Variants in CUBN observed in about 807,000 individuals in gnomAD.
CUBN encodes the protein cubilin.
A neutral mutation model predicts 405.3 loss-of-function variants in CUBN; 282 were observed. That is an observed-to-expected ratio of 0.70 (90% confidence interval 0.63 to 0.77). CUBN has a LOEUF of 0.77. Ranked by LOEUF, CUBN falls within the 30% of genes least tolerant of loss-of-function variation. The probability of loss-of-function intolerance (pLI) is 0.00; values close to 1 mark genes in which losing one functional copy is unlikely to be tolerated. For missense variants in CUBN, 4,514 were observed against 4,475.2 expected (o/e 1.01, Z -0.25); for synonymous variants, 1,684 against 1,617.0 (o/e 1.04, Z -0.99).
chr10:16,999,728 T>C (rs1289993531), intron 28 of CUBN, among the ~76,000 whole-genome samples: 3 of 152,194 alleles, frequency 2.0e-5, no homozygotes, highest in Admixed American at 6.5e-5. Flanking sequence ...AGTTTCCAAG[T>C]TCAACAGTCA....
chr10:17,087,998 GCA>G (rs964086365), intron 15 of CUBN, among the ~76,000 whole-genome samples, 164 bp downstream of exon 15: 1 of 151,676 alleles, frequency 6.6e-6, no homozygotes, highest in Non-Finnish European at 1.5e-5. Context: ...CAACAAACAG[GCA>G]CAGTTAAAAA....
Position 16,925,587 on chromosome 10 carries a change from C to A in CUBN, c.6459G>T (p.Leu2153Phe), listed in dbSNP as rs62619939. 1.2e-6 allele frequency: 2 copies of A among 1,613,742 alleles called. No individual in the cohort carries two copies. Residue 2153 changes from leucine to phenylalanine, a missense_variant, in exon 42 of 67, where the codon TTG becomes TTT. Leu to Phe is a conservative substitution (Grantham distance 22). Around this residue, in one of 5 missense-constraint regions of CUBN, gnomAD observed 1,613 missense variants for 1,542.8 expected, o/e 1.05. Coordinates refer to ENST00000377833, the MANE Select transcript of CUBN (RefSeq NM_001081.4). The stretch of plus-strand genomic sequence containing the variant: ...AAAGGGTAGCAGCAAGACCTACCAC[C>A]AAGTAATCCCCCTGGTTGCAAGAAG... Reference protein sequence around the residue: ...GDSSCNQGDYLVLRNGPDICS... With the variant: ...GDSSCNQGDYFVLRNGPDICS...
At chr10:16,926,202 A>G (rs1418842909) in intron 41 of CUBN, among the ~76,000 whole-genome samples, 1 of 152,214 alleles carries the variant, frequency 6.6e-6, no homozygotes, top group Non-Finnish European at 1.5e-5. Context: ...AATGAAATGA[A>G]GGATCAAGCC....
intron 31 of CUBN, among the ~76,000 whole-genome samples, chr10:16,955,508 G>C (rs1178596884): frequency 1.3e-5 from 2 of 151,160 alleles, no homozygotes; most frequent in African/African-American, 4.9e-5. Flanking sequence ...TGGAATCTAT[G>C]TCACATATAC....
intron 59 of CUBN, among the ~76,000 whole-genome samples, chr10:16,858,226 T>TC (rs773195318): frequency 6.6e-6 from 1 of 152,210 alleles, no homozygotes; most frequent in Non-Finnish European, 1.5e-5. Flanking sequence ...ACATCAGTTT[T>TC]CCCCAAATTG....
At chr10:17,115,985 G>A (rs1836886515) in intron 6 of CUBN, among the ~76,000 whole-genome samples, 1 of 152,218 alleles carries the variant, frequency 6.6e-6, no homozygotes, top group South Asian at 2.1e-4. Context: ...CTGCCATGAA[G>A]CACAGGCAAC....
intron 24 of CUBN, 151 bp downstream of exon 24, chr10:17,045,783 T>C (rs938607398): frequency 4.0e-6 from 3 of 758,500 alleles, no homozygotes; most frequent in African/African-American, 1.7e-5. Flanking sequence ...TAAAAAGAAA[T>C]GGCTGCTGTT....
rs927340846 is a variant in CUBN at position 16,824,117 on chromosome 10, A to C, written c.*858T>G. The C allele has an allele frequency of 6.6e-6, 1 of 151,724 alleles. No homozygotes were observed. Among genetic ancestry groups the C allele is most frequent in the African/African-American group, 2.4e-5 (1 of 41,280 alleles). 9.4% of individuals were successfully genotyped at this position (151,724 alleles called of 1,614,324 possible). On this transcript the variant is annotated 3_prime_UTR_variant, in exon 67 of 67. Coordinates refer to ENST00000377833, the MANE Select transcript of CUBN (RefSeq NM_001081.4). Reference sequence around the variant, plus strand: ...CAGGCTGGAGTACAGTGGTTAATTCACAGGGTTTCACTGCAGCCTTAACCT... The same window carrying C: ...CAGGCTGGAGTACAGTGGTTAATTCCCAGGGTTTCACTGCAGCCTTAACCT...
At chr10:17,011,688 T>G (rs552482339) in intron 28 of CUBN, among the ~76,000 whole-genome samples, 2 of 151,426 alleles carry the variant, frequency 1.3e-5, no homozygotes, top group African/African-American at 4.9e-5. Flanking sequence ...TACAGAGCAC[T>G]GATTGGTCCA....
intron 22 of CUBN, among the ~76,000 whole-genome samples, chr10:17,064,721 G>A (rs555739403): frequency 2.6e-5 from 4 of 152,264 alleles, no homozygotes; most frequent in East Asian, 3.9e-4. Context: ...TTGGGGCTGG[G>A]AGCATCTCTG....
Position 16,933,229 on chromosome 10 carries a change from C to G in CUBN, c.5982G>C (p.Pro1994=), listed in dbSNP as rs560009723. The change falls in exon 40 of 67, where the codon CCG becomes CCC. Residue 1994 remains proline (P), a synonymous_variant. Transcript: ENST00000377833. The part of the protein sequence containing the change: ...TGDAPVFLFS[P]GWPDSYSNRV... Reference sequence around the variant, plus strand: ...TATTACTGTAACTGTCAGGCCAGCCCGGGGAGAAGAGAAACACGGGTGCAT... The same window carrying G: ...TATTACTGTAACTGTCAGGCCAGCCGGGGGAGAAGAGAAACACGGGTGCAT... 1.2e-6 allele frequency: 2 copies of G among 1,613,928 alleles called. No individual in the cohort carries two copies. Among genetic ancestry groups the G allele is most frequent in the South Asian group, 2.2e-5 (2 of 91,058 alleles).
chr10:16,840,984 C>G lies in CUBN; in HGVS notation c.9727G>C (p.Ala3243Pro), dbSNP rs200876086. ...AGTFCGSTVP[A>P]PFISSGNFLT... ...AAGTTACCAGAAGAGATAAAAGGAG[C>G]AGGTACTGTGGAACCACAAAACGTT... The change falls in exon 61 of 67, where the codon GCT (alanine) becomes CCT (proline). Residue 3243 changes from alanine (A) to proline (P), a missense_variant. Physicochemically the swap from Ala to Pro is conservative, Grantham distance 27 (BLOSUM62 -1). Around this residue, in one of 5 missense-constraint regions of CUBN, gnomAD observed 1,186 missense variants for 1,186.9 expected, o/e 1.00. Coordinates refer to ENST00000377833, the MANE Select transcript of CUBN (RefSeq NM_001081.4). The G allele has an allele frequency of 8.7e-6, 14 of 1,613,882 alleles. No homozygotes were observed. Among genetic ancestry groups the G allele is most frequent in the Non-Finnish European group, 1.2e-5 (14 of 1,179,910 alleles).
At chr10:16,985,525 G>A (rs1337106583) in intron 29 of CUBN, among the ~76,000 whole-genome samples, 2 of 152,154 alleles carry the variant, frequency 1.3e-5, no homozygotes, top group Non-Finnish European at 2.9e-5. Flanking sequence ...ACAGGAAGTC[G>A]GGTACCAAGA....
intron 28 of CUBN, among the ~76,000 whole-genome samples, chr10:17,017,505 A>G (rs1043428811): frequency 2.0e-5 from 3 of 152,152 alleles, no homozygotes; most frequent in Admixed American, 6.5e-5. Context: ...AGAGGGCCAT[A>G]TCCTGAGGAA....
chr10:17,108,279 G>C (rs575915053), intron 10 of CUBN, among the ~76,000 whole-genome samples: 47 of 152,118 alleles, frequency 3.1e-4, no homozygotes, highest in Non-Finnish European at 5.1e-4. Context: ...CTAAAATCTG[G>C]TGGAGCCCAG....
In CUBN at chr10:16,915,227, C is replaced by CTCTATTCAAGGTGTCCTGTGT. The variant is rs1158160121; in HGVS notation, c.7211-76_7211-56dup. The CTCTATTCAAGGTGTCCTGTGT allele has an allele frequency of 6.7e-5, 108 of 1,608,934 alleles. 1 individual carries two copies. In the Admixed American group the frequency reaches 1.8e-3, roughly 27 times the overall value. On this transcript the variant is annotated intron_variant, in intron 46 of 66. Coordinates refer to ENST00000377833, the MANE Select transcript of CUBN (RefSeq NM_001081.4). ...GTCCAAGTGATTGATTTCCTTTACCCTCTATTCAAGGTGTCCTGTGTGTAC... is the reference window on the plus strand; with the variant it reads ...GTCCAAGTGATTGATTTCCTTTACCCTCTATTCAAGGTGTCCTGTGTTCTATTCAAGGTGTCCTGTGTGTAC...
intron 54 of CUBN, among the ~76,000 whole-genome samples, chr10:16,897,820 G>C (rs1030125365): frequency 1.3e-5 from 2 of 152,084 alleles, no homozygotes; most frequent in African/African-American, 4.8e-5. Flanking sequence ...TTTTTGGCAG[G>C]GTTCCTAATA....
At chr10:16,905,578 T>C (rs181259904) in intron 50 of CUBN, among the ~76,000 whole-genome samples, 2 of 152,148 alleles carry the variant, frequency 1.3e-5, no homozygotes, top group Non-Finnish European at 2.9e-5. Context: ...CCAGTCTCCT[T>C]GGAAAGGAGT....
intron 54 of CUBN, among the ~76,000 whole-genome samples, chr10:16,891,904 A>G (rs577322864): frequency 1.2e-4 from 19 of 152,094 alleles, no homozygotes; most frequent in Non-Finnish European, 5.9e-5. Flanking sequence ...AATACCCAAT[A>G]TGCCCTTTCT....
Sources: allele counts gnomAD v4.1 joint callset (sites outside exome capture counted in the v4.1 genomes callset), GRCh38; gene constraint gnomAD v4.1.1; regional missense constraint gnomAD v4.1.1; transcripts MANE v1.5; gene names NCBI Gene and HGNC (gene_info 2026-07-23, HGNC 2026-07-21).